SLC22A15: variants seen among roughly 807,000 people sequenced by gnomAD.
SLC22A15 encodes the protein flipt 1.
SLC22A15 carries 45 observed loss-of-function variants against 62.7 expected under a neutral mutation model. The observed-to-expected ratio is 0.72, with a 90% CI of 0.56 to 0.92. SLC22A15 has a LOEUF of 0.92. SLC22A15 is among the 40% of genes least tolerant of loss of function. SLC22A15 has a pLI of 0.00. For missense variants in SLC22A15, 622 were observed against 665.6 expected (o/e 0.93, Z 0.72); for synonymous variants, 264 against 267.0 (o/e 0.99, Z 0.11).
At chr1:116,042,701 G>A (rs114945496) in intron 8 of SLC22A15, among the ~76,000 whole-genome samples, 2,607 of 152,230 alleles carry the variant, frequency 0.017, 73 homozygotes, top group African/African-American at 0.059. Context: ...AGTACACAAA[G>A]CAAAAACATA....
chr1:116,001,459 A>T (rs899231687), intron 2 of SLC22A15, among the ~76,000 whole-genome samples: 3 of 152,164 alleles, frequency 2.0e-5, no homozygotes, highest in Admixed American at 2.0e-4. Context: ...TTTAAGGGAA[A>T]TAACTCTGTA....
intron 2 of SLC22A15, among the ~76,000 whole-genome samples, chr1:116,011,428 A>G (rs774846482): frequency 2.0e-5 from 3 of 152,194 alleles, no homozygotes; most frequent in Non-Finnish European, 4.4e-5. Flanking sequence ...CCAATTAGGT[A>G]GTTCCCTGTA....
chr1:116,047,062 A>G (rs1050983643), intron 8 of SLC22A15, among the ~76,000 whole-genome samples: 1 of 152,092 alleles, frequency 6.6e-6, no homozygotes, highest in African/African-American at 2.4e-5. Flanking sequence ...TCTCCATACT[A>G]CCATAGCTGG....
intron 2 of SLC22A15, among the ~76,000 whole-genome samples, chr1:115,995,332 A>G (rs955506443): frequency 6.6e-5 from 10 of 152,116 alleles, no homozygotes; most frequent in Non-Finnish European, 1.2e-4. Flanking sequence ...TATCACTGCA[A>G]CCTTTGCCTC....
chr1:116,032,711 T>A (rs1657467849), intron 6 of SLC22A15: 3 of 920,348 alleles, frequency 3.3e-6, no homozygotes, highest in Non-Finnish European at 3.9e-6. Flanking sequence ...GGCATGGAGA[T>A]TAAGAAAACC....
chr1:116,035,258 A>G lies in SLC22A15; in HGVS notation c.1016A>G (p.Asn339Ser), dbSNP rs200605674. The change falls in exon 7 of 12, where the codon AAC becomes AGC. Residue 339 changes from asparagine to serine, a missense_variant. By Grantham distance (46) the Asn-to-Ser change is conservative. Coordinates refer to ENST00000369503, the MANE Select transcript of SLC22A15 (RefSeq NM_018420.3). ...GATCTAGGTGGAAGTATTTATGCCA[A>G]CCTGGCCCTGTCTGGCCTCATAGAG... The part of the protein sequence containing the change: ...AGDLGGSIYA[N>S]LALSGLIEIP... 3.7e-6 allele frequency: 6 copies of G among 1,613,364 alleles called. No homozygotes were observed. The East Asian group carries it at 8.9e-5, about 24-fold the overall frequency.
intron 5 of SLC22A15, among the ~76,000 whole-genome samples, chr1:116,029,759 T>C (rs1279342573): frequency 2.0e-5 from 3 of 152,230 alleles, no homozygotes; most frequent in African/African-American, 7.2e-5. Flanking sequence ...TAAACAATTT[T>C]GAAAACACAG....
chr1:116,024,256 A>G (rs1656983668), intron 4 of SLC22A15, among the ~76,000 whole-genome samples: 1 of 152,204 alleles, frequency 6.6e-6, no homozygotes, highest in Admixed American at 6.5e-5. Flanking sequence ...CTAAAGGACC[A>G]GTAGAGATGG....
At chr1:116,054,117 A>G (rs928867731) in intron 8 of SLC22A15, among the ~76,000 whole-genome samples, 89 of 152,340 alleles carry the variant, frequency 5.8e-4, no homozygotes, top group African/African-American at 2.1e-3. Flanking sequence ...GGCAAATTGG[A>G]TAAAGAGTCA....
chr1:116,045,532 A>G (rs1382231671), intron 8 of SLC22A15, among the ~76,000 whole-genome samples: 7 of 151,464 alleles, frequency 4.6e-5, no homozygotes, highest in Non-Finnish European at 1.0e-4. Flanking sequence ...TGAGGTCAGG[A>G]GTTTGAGACC....
intron 7 of SLC22A15, among the ~76,000 whole-genome samples, chr1:116,036,515 G>A (rs894093436): frequency 6.6e-6 from 1 of 152,162 alleles, no homozygotes; most frequent in Non-Finnish European, 1.5e-5. Flanking sequence ...AGGCAGACCT[G>A]AATTCAGATC....
At chr1:116,005,580 A>G (rs1655935150) in intron 2 of SLC22A15, among the ~76,000 whole-genome samples, 1 of 152,148 alleles carries the variant, frequency 6.6e-6, no homozygotes, top group South Asian at 2.1e-4. Context: ...GAGAAGTCCT[A>G]GCTCTTTAGT....
intron 1 of SLC22A15, among the ~76,000 whole-genome samples, chr1:115,985,210 T>A (rs1654799506): frequency 6.6e-6 from 1 of 152,192 alleles, no homozygotes; most frequent in South Asian, 2.1e-4. Context: ...TTATTGTATA[T>A]TTTCTATGTT....
At chr1:116,048,365 C>T (rs1384204993) in intron 8 of SLC22A15, among the ~76,000 whole-genome samples, 1 of 152,194 alleles carries the variant, frequency 6.6e-6, no homozygotes, top group Non-Finnish European at 1.5e-5. Flanking sequence ...AGGAAAACTT[C>T]TCAGATTAAC....
intron 1 of SLC22A15, among the ~76,000 whole-genome samples, chr1:115,981,093 TC>T (rs2101048321): frequency 6.6e-6 from 1 of 152,306 alleles, no homozygotes; most frequent in African/African-American, 2.4e-5. Flanking sequence ...TGGCACCATG[TC>T]CCTCCACAGG....
chr1:116,067,178 T>C lies in SLC22A15; in HGVS notation c.*70T>C. 8.5e-7 allele frequency: 1 copy of C among 1,172,814 alleles called. No homozygotes were observed. The highest frequency in any genetic ancestry group is 1.3e-6 in the Non-Finnish European group (1 of 798,498). 72.7% of individuals were successfully genotyped at this position (1,172,814 alleles called of 1,614,324 possible). ...CCTCTGGCTAAGGCAGGTTCTTCCATGACTCCTAAGAGAGTTGTAAAAATA... is the reference window on the plus strand; with the variant it reads ...CCTCTGGCTAAGGCAGGTTCTTCCACGACTCCTAAGAGAGTTGTAAAAATA... On this transcript the variant is annotated 3_prime_UTR_variant, in exon 12 of 12. Coordinates refer to ENST00000369503, the MANE Select transcript of SLC22A15 (RefSeq NM_018420.3).
chr1:116,002,480 C>T (rs1023440659), intron 2 of SLC22A15, among the ~76,000 whole-genome samples: 2 of 152,022 alleles, frequency 1.3e-5, no homozygotes, highest in African/African-American at 4.8e-5. Flanking sequence ...GCCATCCAGG[C>T]AGTAGGGCCT....
chr1:116,059,307 G>A (rs7543545), intron 8 of SLC22A15, among the ~76,000 whole-genome samples: 7,514 of 152,140 alleles, frequency 0.049, 252 homozygotes, highest in African/African-American at 0.089. Flanking sequence ...CTTACTATAT[G>A]ACCCAGCTTT....
At chr1:115,982,210 A>G (rs902224715) in intron 1 of SLC22A15, among the ~76,000 whole-genome samples, 4 of 152,194 alleles carry the variant, frequency 2.6e-5, no homozygotes, top group Non-Finnish European at 5.9e-5. Flanking sequence ...GACTTCTTTG[A>G]CCAAACACTC....
Sources: gnomAD v4.1 joint callset for allele counts (sites outside exome capture counted in the v4.1 genomes callset) on GRCh38, gnomAD v4.1.1 for gene constraint, MANE v1.5 for transcripts, NCBI Gene and HGNC (gene_info 2026-07-23, HGNC 2026-07-21) for gene names.